CUL4B: variants seen among roughly 807,000 people sequenced by gnomAD.
The protein encoded by CUL4B is cullin-4B.
In CUL4B, 1 loss-of-function variant was observed where a neutral mutation model predicts 69.2. The ratio of observed to expected loss-of-function variants is 0.01; its 90% CI spans 0.01 to 0.07. The LOEUF (loss-of-function observed/expected upper bound fraction) is 0.07, where lower values mean the gene tolerates loss of function less well. Among genes scored for constraint, CUL4B ranks in the 10% least tolerant of loss-of-function variants. The pLI, the probability that CUL4B is intolerant of heterozygous loss-of-function variation, is 1.00. For missense variants in CUL4B, 328 were observed against 638.8 expected, an observed-to-expected ratio of 0.51 and a Z score of 5.24; for synonymous variants, 237 against 223.2, an observed-to-expected ratio of 1.06 and a Z score of -0.55.
exon 3 of CUL4B, chrX:120,571,825 A>C (rs1925719814): frequency 9.0e-6 from 1 of 111,262 alleles, no homozygotes; most frequent in Non-Finnish European, 1.9e-5. Flanking sequence ...CAGGATTTGC[A>C]GGATTGGAAA....
chrX:120,564,901 C>T (rs1235501275), upstream of CUL4B, among the ~76,000 whole-genome samples: 5 of 112,453 alleles, frequency 4.4e-5, no homozygotes, highest in Non-Finnish European at 9.4e-5. Context: ...GTGAGTTCAA[C>T]TCATACCTTA....
Position 120,539,362 on chromosome X carries a change from T to C in CUL4B, c.1647A>G (p.Val549=). ...NKPAELIAKY[V]DSKLRAGNKE... is the part of the protein sequence containing the mutation. ...TGTTGCCTGCACGAAGTTTTGAATC[T>C]ACATACTTAGCTAAAATGGGGGAAA... The change falls in exon 12 of 20, where the codon GTA becomes GTG. Residue 549 remains valine (V), a synonymous_variant. Transcript: ENST00000371322. The C allele has an allele frequency of 8.5e-7, 1 of 1,174,924 alleles. No homozygotes were observed. Among genetic ancestry groups the C allele is most frequent in the African/African-American group, 1.7e-5 (1 of 57,252 alleles).
chrX:120,550,455 G>A (rs1924620903), intron 2 of CUL4B, among the ~76,000 whole-genome samples: 1 of 111,784 alleles, frequency 8.9e-6, no homozygotes, highest in African/African-American at 3.3e-5. Flanking sequence ...GATAAGCAGA[G>A]AGATGAGGCC....
At chrX:120,554,416 A>G (rs141093192) in intron 2 of CUL4B, among the ~76,000 whole-genome samples, 1 of 112,296 alleles carries the variant, frequency 8.9e-6, no homozygotes, top group Admixed American at 9.5e-5. Context: ...GCAAACAAAC[A>G]AAACAGTCAA....
rs980628622 is a variant in CUL4B at position 120,533,985 on chromosome X, G to C, written c.2266+496C>G. 2.7e-5 allele frequency among the ~76,000 whole-genome samples: 3 copies of C among 110,657 alleles called. No individual in the cohort carries two copies. The East Asian group carries it at 8.5e-4, about 31-fold the overall frequency. ...GGAGGCAGAGGCAGGAGAATTGCTT[G>C]AACACAGGAGGCAGAGGTTGCAGTG... is the stretch of plus-strand genomic sequence containing the variant. On this transcript the variant is annotated intron_variant, in intron 17 of 19. Transcript: ENST00000371322.
At chrX:120,541,050 T>A (rs1038060393) in intron 10 of CUL4B, among the ~76,000 whole-genome samples, 2 of 112,560 alleles carry the variant, frequency 1.8e-5, no homozygotes. Context: ...GGGTTCAAAG[T>A]CTTTTTCTAC....
chrX:120,557,351 A>T (rs1925039949), intron 2 of CUL4B, among the ~76,000 whole-genome samples: 2 of 111,900 alleles, frequency 1.8e-5, no homozygotes, highest in African/African-American at 6.5e-5. Context: ...ATTATATTTA[A>T]GTGTAAGGAC....
intron 17 of CUL4B, among the ~76,000 whole-genome samples, chrX:120,533,591 G>C (rs1602570335): frequency 9.0e-6 from 1 of 111,187 alleles, no homozygotes; most frequent in East Asian, 2.8e-4. Flanking sequence ...CCTTCTCCCT[G>C]ACCAAAACTT....
chrX:120,571,500 ACT>A (rs1180959440), exon 3 of CUL4B: 6 of 110,977 alleles, frequency 5.4e-5, no homozygotes, highest in South Asian at 3.8e-4. Context: ...GGAAGAATGG[ACT>A]CTCTATGGTC....
At chrX:120,542,276 A>T (rs1045277304) in intron 9 of CUL4B, among the ~76,000 whole-genome samples, 2 of 111,696 alleles carry the variant, frequency 1.8e-5, no homozygotes, top group African/African-American at 6.5e-5. Flanking sequence ...ATAGCCTGTG[A>T]TATATCAAAA....
upstream of CUL4B, among the ~76,000 whole-genome samples, chrX:120,566,371 A>ATATATATATATATG (rs1925538832): frequency 1.7e-5 from 1 of 60,028 alleles, no homozygotes; most frequent in African/African-American, 5.3e-5. Flanking sequence ...ATATATATAT[A>ATATATATATATATG]TATATATATA....
In CUL4B at chrX:120,560,564, A is replaced by G. The variant is rs1925228204; in HGVS notation, c.75T>C (p.Asp25=). 8.3e-7 allele frequency: 1 copy of G among 1,208,937 alleles called. No individual in the cohort carries two copies. The highest frequency in any genetic ancestry group is 1.1e-6 in the Non-Finnish European group (1 of 894,426). The change falls in exon 1 of 20, where the codon GAT becomes GAC. Residue 25 remains aspartate, a synonymous_variant. Transcript: ENST00000371322. ...AAAQEVRSAT[D]GNTSTTPPTS... is the part of the protein sequence containing the mutation. Reference sequence around the variant, plus strand: ...TGGGCGGAGTGGTGCTGGTATTACCATCAGTGGCAGATCTGACCTCCTGAG... The same window carrying G: ...TGGGCGGAGTGGTGCTGGTATTACCGTCAGTGGCAGATCTGACCTCCTGAG...
chrX:120,543,448 T>TA (rs1477724184), intron 8 of CUL4B, among the ~76,000 whole-genome samples: 1 of 107,620 alleles, frequency 9.3e-6, no homozygotes, highest in African/African-American at 3.4e-5. Context: ...GCCTGAAGAG[T>TA]TTAAAGGTCA....
intron 2 of CUL4B, among the ~76,000 whole-genome samples, chrX:120,557,668 C>G (rs1350474047): frequency 9.0e-6 from 1 of 111,659 alleles, no homozygotes; most frequent in Non-Finnish European, 1.9e-5. Context: ...GGTAGAACTT[C>G]TATTACACCA....
chrX:120,561,157 C>T, upstream of CUL4B: 1 of 883,184 alleles, frequency 1.1e-6, no homozygotes, highest in Non-Finnish European at 1.5e-6. Flanking sequence ...GTGAGGGAAG[C>T]GCTGCAGCCG....
In CUL4B at chrX:120,560,781, A is replaced by C; in HGVS notation, c.-143T>G. 2.1e-5 allele frequency: 4 copies of C among 189,490 alleles called. No individual in the cohort carries two copies. Among genetic ancestry groups the C allele is most frequent in the East Asian group, 2.3e-4 (1 of 4,309 alleles). 15.6% of individuals were successfully genotyped at this position (189,490 alleles called of 1,213,427 possible). The stretch of plus-strand genomic sequence containing the variant: ...AACACAGAGGACGAGAAGGAAAGTG[A>C]AGGGGGGGGCTACACCGGGGGAATG... On this transcript the variant is annotated 5_prime_UTR_variant, in exon 1 of 20. Coordinates refer to ENST00000371322, the MANE Select transcript of CUL4B (RefSeq NM_001079872.2).
intron 1 of CUL4B, among the ~76,000 whole-genome samples, chrX:120,559,318 T>C (rs1925151254): frequency 8.9e-6 from 1 of 112,365 alleles, no homozygotes; most frequent in African/African-American, 3.2e-5. Context: ...TTTTTAAAAA[T>C]TGCTGATTTT....
intron 19 of CUL4B, among the ~76,000 whole-genome samples, chrX:120,528,115 T>C (rs1245123424): frequency 2.7e-5 from 3 of 111,744 alleles, no homozygotes; most frequent in African/African-American, 9.8e-5. Context: ...ACTGATGAAA[T>C]CACTATTTAG....
chrX:120,531,632 G>T (rs889261573), intron 18 of CUL4B, among the ~76,000 whole-genome samples: 2 of 109,174 alleles, frequency 1.8e-5, no homozygotes, highest in African/African-American at 6.7e-5. Context: ...GCTGATTTTT[G>T]TATTTTTAGT....
Sources: allele counts gnomAD v4.1 joint callset (sites outside exome capture counted in the v4.1 genomes callset), GRCh38; gene constraint gnomAD v4.1.1; transcripts MANE v1.5; gene names NCBI Gene and HGNC (gene_info 2026-07-23, HGNC 2026-07-21).